JAZF1: variants seen among roughly 807,000 people sequenced by gnomAD.
JAZF1 encodes JAZF zinc finger 1.
JAZF1 carries 8 observed loss-of-function variants against 26.4 expected under a neutral mutation model. The ratio of observed to expected loss-of-function variants is 0.30; its 90% CI spans 0.18 to 0.55. The LOEUF is 0.55. Ranked by LOEUF, JAZF1 falls within the 20% of genes least tolerant of loss-of-function variation. JAZF1 has a pLI of 0.94. For missense variants in JAZF1, 199 were observed against 322.0 expected (o/e 0.62, Z 2.92); for synonymous variants, 126 against 122.3 (o/e 1.03, Z -0.20).
intron 2 of JAZF1, among the ~76,000 whole-genome samples, chr7:27,909,571 G>A (rs1292892923): frequency 6.6e-6 from 1 of 152,154 alleles, no homozygotes; most frequent in African/African-American, 2.4e-5. Context: ...GCCGGGCATG[G>A]TGGCACATGC....
chr7:28,088,874 G>A (rs949722239), intron 1 of JAZF1, among the ~76,000 whole-genome samples: 3 of 152,152 alleles, frequency 2.0e-5, no homozygotes, highest in Non-Finnish European at 4.4e-5. Context: ...AACTAATAAT[G>A]GGCTTGATTC....
chr7:27,849,916 C>T (rs938855866), intron 3 of JAZF1, among the ~76,000 whole-genome samples: 61 of 152,184 alleles, frequency 4.0e-4, no homozygotes, highest in Non-Finnish European at 3.2e-4. Flanking sequence ...AACCTCTGCC[C>T]GCAGTTCCCT....
intron 2 of JAZF1, among the ~76,000 whole-genome samples, chr7:27,909,900 G>T (rs565160654): frequency 1.3e-5 from 2 of 152,218 alleles, no homozygotes; most frequent in East Asian, 3.9e-4. Flanking sequence ...TGGAAGAAAG[G>T]AAAGACAGAA....
rs568403120 is a variant in JAZF1 at position 28,173,722 on chromosome 7, G to A, written c.115+6741C>T. Among the ~76,000 whole-genome samples, 14 of 151,936 alleles carry A rather than the reference G, an allele frequency of 9.2e-5. No individual in the cohort carries two copies. The East Asian group carries it at 1.2e-3, about 13-fold the overall frequency. ...GTGAGCTGGGCAAGGGACAATGGCC[G>A]TCAGGGGACTATCAGTGCTCTCTGG... On this transcript the variant is annotated intron_variant, in intron 1 of 4. Transcript: ENST00000283928.
chr7:28,066,155 C>T (rs551866998), intron 1 of JAZF1, among the ~76,000 whole-genome samples: 2 of 152,152 alleles, frequency 1.3e-5, no homozygotes, highest in Admixed American at 1.3e-4. Context: ...TAACACACAC[C>T]TTAGATGCAC....
rs375003229 is a variant in JAZF1 at position 28,165,521 on chromosome 7, G to A, written c.115+14942C>T. Among the ~76,000 whole-genome samples the A allele has an allele frequency of 1.7e-3, 256 of 152,256 alleles. 1 individual carries two copies. The highest frequency in any genetic ancestry group is 5.9e-3 in the African/African-American group (247 of 41,542). Reference sequence around the variant, plus strand: ...TTGGGGCTGGAATTAGGTTCCCTCCGTGTGGTAACATTGTCTGACACAAGG... The same window carrying A: ...TTGGGGCTGGAATTAGGTTCCCTCCATGTGGTAACATTGTCTGACACAAGG... On this transcript the variant is annotated intron_variant, in intron 1 of 4. Coordinates refer to ENST00000283928, the MANE Select transcript of JAZF1 (RefSeq NM_175061.4).
chr7:27,925,865 C>T (rs1784595354), intron 2 of JAZF1, among the ~76,000 whole-genome samples: 1 of 152,246 alleles, frequency 6.6e-6, no homozygotes, highest in Non-Finnish European at 1.5e-5. Context: ...ATGCAGATCA[C>T]ATTTCTTCTG....
intron 2 of JAZF1, among the ~76,000 whole-genome samples, chr7:27,904,123 G>A (rs1784209757): frequency 6.6e-6 from 1 of 152,176 alleles, no homozygotes; most frequent in Non-Finnish European, 1.5e-5. Flanking sequence ...TCCAGGACAA[G>A]GATGGATAGA....
At chr7:28,168,104 C>T (rs762859942) in intron 1 of JAZF1, among the ~76,000 whole-genome samples, 2 of 152,094 alleles carry the variant, frequency 1.3e-5, no homozygotes, top group African/African-American at 2.4e-5. Flanking sequence ...GAGTTTCGGC[C>T]GGGCGCAGTG....
chr7:28,015,764 C>T (rs948086853), intron 1 of JAZF1, among the ~76,000 whole-genome samples: 3 of 152,114 alleles, frequency 2.0e-5, no homozygotes, highest in African/African-American at 7.2e-5. Flanking sequence ...CTCGTCCCAG[C>T]AGAGGCTGTG....
At chr7:27,872,208 G>A (rs1783594911) in intron 3 of JAZF1, among the ~76,000 whole-genome samples, 1 of 152,174 alleles carries the variant, frequency 6.6e-6, no homozygotes, top group African/African-American at 2.4e-5. Flanking sequence ...AGCCTTGGCT[G>A]TAAACATATT....
intron 2 of JAZF1, among the ~76,000 whole-genome samples, chr7:27,982,337 G>A (rs1311645302): frequency 9.5e-6 from 1 of 105,128 alleles, no homozygotes; most frequent in Non-Finnish European, 2.0e-5. Context: ...CCACGCCCAT[G>A]GAGCCTCACT....
intron 2 of JAZF1, among the ~76,000 whole-genome samples, chr7:27,929,925 T>C (rs1305674988): frequency 6.7e-6 from 1 of 149,030 alleles, no homozygotes; most frequent in Non-Finnish European, 1.5e-5. Flanking sequence ...CCTTCCTCCA[T>C]ATTTTCTGCA....
At chr7:27,900,974 CTTT>C (rs35553979) in intron 2 of JAZF1, among the ~76,000 whole-genome samples, 3 of 143,420 alleles carry the variant, frequency 2.1e-5, no homozygotes, top group African/African-American at 7.6e-5. Context: ...TGTGTAAAAA[CTTT>C]TTTTTTTTTT....
intron 3 of JAZF1, among the ~76,000 whole-genome samples, chr7:27,874,212 C>A (rs1200609982): frequency 6.6e-6 from 1 of 152,228 alleles, no homozygotes; most frequent in African/African-American, 2.4e-5. Flanking sequence ...TGGCCCTGAT[C>A]CCACACCACA....
chr7:28,121,365 A>G (rs1306811595), intron 1 of JAZF1, among the ~76,000 whole-genome samples: 1 of 152,166 alleles, frequency 6.6e-6, no homozygotes, highest in East Asian at 1.9e-4. Flanking sequence ...AAAAGGATCT[A>G]CAAGCGCAAA....
chr7:27,974,272 A>G lies in JAZF1; in HGVS notation c.188+17637T>C, dbSNP rs1298027338. On this transcript the variant is annotated intron_variant, in intron 2 of 4. Coordinates refer to ENST00000283928, the MANE Select transcript of JAZF1 (RefSeq NM_175061.4). ...ATCGGTTAACAGCCAAGGTCAAGGC[A>G]CGGAACAAATACAGATAGAAAAGCA... 2.0e-5 allele frequency among the ~76,000 whole-genome samples: 3 copies of G among 152,196 alleles called. 1 individual carries two copies. The highest frequency in any genetic ancestry group is 7.2e-5 in the African/African-American group (3 of 41,432).
intron 1 of JAZF1, among the ~76,000 whole-genome samples, chr7:28,025,454 G>C (rs904400642): frequency 6.7e-6 from 1 of 149,834 alleles, no homozygotes; most frequent in Non-Finnish European, 1.5e-5. Flanking sequence ...AAGGTAAATA[G>C]ACTTGCTTTG....
intron 2 of JAZF1, among the ~76,000 whole-genome samples, chr7:27,934,390 C>G (rs897379261): frequency 2.0e-5 from 3 of 151,910 alleles, no homozygotes; most frequent in Non-Finnish European, 4.4e-5. Flanking sequence ...AATAGCACCA[C>G]CTAAAGGGCA....
Sources: allele counts gnomAD v4.1 joint callset (sites outside exome capture counted in the v4.1 genomes callset), GRCh38; gene constraint gnomAD v4.1.1; transcripts MANE v1.5; gene names NCBI Gene and HGNC (gene_info 2026-07-23, HGNC 2026-07-21).